BMPER: variants seen among roughly 807,000 people sequenced by gnomAD.
BMPER encodes the protein BMP-binding endothelial regulator protein.
BMPER carries 45 observed loss-of-function variants against 87.3 expected under a neutral mutation model. The ratio of observed to expected loss-of-function variants is 0.52; its 90% confidence interval spans 0.41 to 0.66. The LOEUF (loss-of-function observed/expected upper bound fraction) is 0.66, where lower values mean the gene tolerates loss of function less well. Ranked by LOEUF, BMPER falls within the 30% of genes least tolerant of loss-of-function variation. The probability of loss-of-function intolerance (pLI) is 0.00; values close to 1 mark genes in which losing one functional copy is unlikely to be tolerated. For synonymous variants in BMPER, 326 were observed against 316.2 expected (o/e 1.03, Z -0.33); for missense variants, 784 against 867.5 (o/e 0.90, Z 1.21).
At chr7:33,927,849 A>G (rs1448607850) in intron 2 of BMPER, among the ~76,000 whole-genome samples, 2 of 152,068 alleles carry the variant, frequency 1.3e-5, no homozygotes, top group Non-Finnish European at 2.9e-5. Context: ...GTTCAAAAGA[A>G]CTCACCAGAA....
intron 11 of BMPER, among the ~76,000 whole-genome samples, chr7:34,075,292 T>C (rs1788835109): frequency 6.6e-6 from 1 of 152,210 alleles, no homozygotes; most frequent in Non-Finnish European, 1.5e-5. Flanking sequence ...ATATTCTTTT[T>C]CCAAAAGTAT....
chr7:34,005,919 A>G (rs1034737414), intron 6 of BMPER, among the ~76,000 whole-genome samples: 1 of 152,090 alleles, frequency 6.6e-6, no homozygotes, highest in African/African-American at 2.4e-5. Context: ...CTAAGATAAT[A>G]TATTTAAAAA....
At chr7:33,919,281 G>A (rs1784160200) in intron 2 of BMPER, among the ~76,000 whole-genome samples, 3 of 152,126 alleles carry the variant, frequency 2.0e-5, no homozygotes, top group Admixed American at 6.5e-5. Context: ...TATGCTTTGA[G>A]GACTTTTAGA....
intron 11 of BMPER, among the ~76,000 whole-genome samples, chr7:34,075,428 G>T (rs1286517575): frequency 1.3e-5 from 2 of 152,044 alleles, no homozygotes; most frequent in African/African-American, 4.8e-5. Flanking sequence ...CACTCCTATT[G>T]TCTGGTTTTG....
intron 6 of BMPER, among the ~76,000 whole-genome samples, chr7:34,001,051 T>C (rs776196926): frequency 1.4e-4 from 21 of 151,988 alleles, no homozygotes; most frequent in Non-Finnish European, 3.1e-4. Flanking sequence ...GCTATATCTT[T>C]TTTTTATATA....
chr7:34,124,052 C>G (rs1003423627), intron 13 of BMPER, among the ~76,000 whole-genome samples: 2 of 152,174 alleles, frequency 1.3e-5, no homozygotes, highest in East Asian at 3.9e-4. Context: ...CTCTGGTGCT[C>G]AAATATTCAA....
chr7:33,912,052 T>C (rs1783977463), intron 2 of BMPER, among the ~76,000 whole-genome samples: 1 of 152,184 alleles, frequency 6.6e-6, no homozygotes, highest in African/African-American at 2.4e-5. Flanking sequence ...GCTTCCTTAT[T>C]GGTCCAGTGA....
intron 13 of BMPER, among the ~76,000 whole-genome samples, chr7:34,092,347 C>T (rs540727230): frequency 2.6e-5 from 4 of 152,178 alleles, no homozygotes; most frequent in African/African-American, 9.7e-5. Flanking sequence ...CCTGGTTCCT[C>T]TTCTGTCCCT....
intron 11 of BMPER, among the ~76,000 whole-genome samples, chr7:34,067,534 C>T (rs1788625358): frequency 6.6e-6 from 1 of 152,160 alleles, no homozygotes; most frequent in Non-Finnish European, 1.5e-5. Context: ...GGTCCCTTAA[C>T]ACCGAGAGTC....
chr7:34,059,260 A>G (rs1413492632), intron 10 of BMPER, among the ~76,000 whole-genome samples: 2 of 152,172 alleles, frequency 1.3e-5, no homozygotes, highest in African/African-American at 4.8e-5. Context: ...ATTCTACAAG[A>G]CAAAAACAGG....
chr7:34,061,481 T>C (rs539894734), intron 10 of BMPER, among the ~76,000 whole-genome samples: 1 of 152,320 alleles, frequency 6.6e-6, no homozygotes, highest in South Asian at 2.1e-4. Context: ...AAACAAGAAA[T>C]CTGACTGAAT....
chr7:34,060,683 A>G (rs1246077844), intron 10 of BMPER, among the ~76,000 whole-genome samples: 1 of 152,208 alleles, frequency 6.6e-6, no homozygotes, highest in East Asian at 1.9e-4. Context: ...CTTGATGGAA[A>G]TGACCAGTAG....
chr7:34,082,075 G>A (rs180765695), intron 12 of BMPER, among the ~76,000 whole-genome samples: 1 of 152,284 alleles, frequency 6.6e-6, no homozygotes, highest in East Asian at 1.9e-4. Flanking sequence ...AGGGAAAATT[G>A]GAAGGCCCTT....
chr7:34,148,379 A>T (rs1472150168), intron 14 of BMPER, among the ~76,000 whole-genome samples: 2 of 152,116 alleles, frequency 1.3e-5, no homozygotes, highest in Non-Finnish European at 2.9e-5. Context: ...GTCTGATGTG[A>T]TACATCTTAT....
At chr7:33,939,933 T>C in intron 3 of BMPER, 1 of 277,032 alleles carries the variant, frequency 3.6e-6, no homozygotes, top group Non-Finnish European at 8.4e-6. Flanking sequence ...GTTTTCTCTC[T>C]TTCTACCTCG....
In BMPER at chr7:34,059,754, A is replaced by G. The variant is rs1788384284; in HGVS notation, c.1032+1591A>G. Among the ~76,000 whole-genome samples, 4 of 151,432 alleles carry G rather than the reference A, an allele frequency of 2.6e-5. No individual in the cohort carries two copies. In the South Asian group the frequency reaches 8.4e-4, roughly 32 times the overall value. ...CCTGGGGAAATTTTGGAAAAAAAAAAAAAAAAGAGATAGAGAGGAGGAGCT... is the reference window on the plus strand; with the variant it reads ...CCTGGGGAAATTTTGGAAAAAAAAAGAAAAAAGAGATAGAGAGGAGGAGCT... On this transcript the variant is annotated intron_variant, in intron 10 of 14. Transcript: ENST00000649409.
intron 3 of BMPER, among the ~76,000 whole-genome samples, chr7:33,946,897 A>G (rs565305464): frequency 6.6e-6 from 1 of 152,334 alleles, no homozygotes; most frequent in South Asian, 2.1e-4. Context: ...TAATTTAACA[A>G]TTATTTGTGA....
intron 13 of BMPER, among the ~76,000 whole-genome samples, chr7:34,102,654 A>G (rs1187836751): frequency 6.6e-6 from 1 of 152,192 alleles, no homozygotes; most frequent in Non-Finnish European, 1.5e-5. Flanking sequence ...TCCTTATTCT[A>G]GAGTATTTGT....
intron 6 of BMPER, among the ~76,000 whole-genome samples, chr7:34,015,092 T>C (rs113607733): frequency 6.6e-6 from 1 of 151,978 alleles, no homozygotes; most frequent in Non-Finnish European, 1.5e-5. Context: ...TGAAGATTCA[T>C]CTAAATGTGG....
Sources: allele counts gnomAD v4.1 joint callset (sites outside exome capture counted in the v4.1 genomes callset), GRCh38; gene constraint gnomAD v4.1.1; transcripts MANE v1.5; gene names NCBI Gene and HGNC (gene_info 2026-07-23, HGNC 2026-07-21).